Variants in JAM3 observed in about 807,000 individuals in gnomAD.
JAM3 encodes the protein junctional adhesion molecule 3, also known as junctional adhesion molecule C.
Under a neutral mutation model 39.4 loss-of-function variants are expected in JAM3, and 31 were observed. The ratio of observed to expected loss-of-function variants is 0.79; its 90% confidence interval spans 0.59 to 1.06. The LOEUF (loss-of-function observed/expected upper bound fraction) is 1.06, where lower values mean the gene tolerates loss of function less well. Among genes scored for constraint, JAM3 ranks in the 50% least tolerant of loss-of-function variants. The probability of loss-of-function intolerance (pLI) is 0.00; values close to 1 mark genes in which losing one functional copy is unlikely to be tolerated. For missense variants in JAM3, 455 were observed against 391.4 expected, an observed-to-expected ratio of 1.16 and a Z score of -1.37; for synonymous variants, 182 against 148.7, an observed-to-expected ratio of 1.22 and a Z score of -1.63.
At chr11:134,147,037 ATTC>A (rs1334756253) in intron 6 of JAM3, among the ~76,000 whole-genome samples, 1 of 152,156 alleles carries the variant, frequency 6.6e-6, no homozygotes, top group African/African-American at 2.4e-5. Context: ...GTTCCGAAGG[ATTC>A]TTCTCATGTG....
chr11:134,148,465 G>A, intron 6 of JAM3, 82 bp from the exon 7 acceptor site: 1 of 1,594,312 alleles, frequency 6.3e-7, no homozygotes, highest in Non-Finnish European at 8.6e-7. Context: ...TGGGGTGAAG[G>A]AAGGAGGCAC....
intron 1 of JAM3, among the ~76,000 whole-genome samples, chr11:134,074,079 T>C (rs936562932): frequency 6.6e-6 from 1 of 152,218 alleles, no homozygotes; most frequent in Non-Finnish European, 1.5e-5. Context: ...GCTTATGATA[T>C]CATTTAAGTG....
chr11:134,075,573 G>C (rs1941553400), intron 1 of JAM3, among the ~76,000 whole-genome samples: 1 of 152,094 alleles, frequency 6.6e-6, no homozygotes. Context: ...ACGGGCTCTG[G>C]AGCCTCACCT....
intron 1 of JAM3, among the ~76,000 whole-genome samples, chr11:134,090,075 T>C (rs948333499): frequency 3.3e-5 from 5 of 152,390 alleles, no homozygotes; most frequent in Admixed American, 6.5e-5. Flanking sequence ...ATGAGCATTT[T>C]TTCATGTGTC....
chr11:134,113,239 A>G (rs1010637515), intron 1 of JAM3, among the ~76,000 whole-genome samples: 5 of 151,826 alleles, frequency 3.3e-5, no homozygotes, highest in Admixed American at 1.3e-4. Flanking sequence ...CATGTGCACA[A>G]CGTGCAGGTT....
At chr11:134,082,542 T>C (rs1941684196) in intron 1 of JAM3, among the ~76,000 whole-genome samples, 1 of 152,148 alleles carries the variant, frequency 6.6e-6, no homozygotes, top group Admixed American at 6.5e-5. Context: ...TGAATCAGTT[T>C]TATGAGATCT....
chr11:134,114,205 C>G (rs1391190926), intron 1 of JAM3, among the ~76,000 whole-genome samples: 1 of 152,140 alleles, frequency 6.6e-6, no homozygotes, highest in Non-Finnish European at 1.5e-5. Context: ...TTAATTAGAT[C>G]CCATTTGTCA....
intron 1 of JAM3, among the ~76,000 whole-genome samples, chr11:134,091,516 A>AGATG (rs1555113290): frequency 7.3e-6 from 1 of 136,984 alleles, no homozygotes; most frequent in Admixed American, 7.3e-5. Context: ...ATAGATAGAT[A>AGATG]GATGGATAGA....
intron 1 of JAM3, among the ~76,000 whole-genome samples, chr11:134,085,595 G>A (rs1460317937): frequency 6.6e-6 from 1 of 151,998 alleles, no homozygotes; most frequent in Non-Finnish European, 1.5e-5. Context: ...CCTACTGGGG[G>A]CTCCACTATG....
At chr11:134,115,671 G>A (rs1591791637) in intron 1 of JAM3, among the ~76,000 whole-genome samples, 1 of 152,072 alleles carries the variant, frequency 6.6e-6, no homozygotes, top group African/African-American at 2.4e-5. Flanking sequence ...GGAGAATGAG[G>A]TGGGAAGATT....
chr11:134,110,313 T>C (rs1468006846), intron 1 of JAM3, among the ~76,000 whole-genome samples: 4 of 152,208 alleles, frequency 2.6e-5, no homozygotes, highest in East Asian at 1.9e-4. Context: ...CACATACTTA[T>C]GTAAGAGAAT....
chr11:134,134,955 C>G (rs1388228995), intron 1 of JAM3, among the ~76,000 whole-genome samples: 2 of 151,974 alleles, frequency 1.3e-5, no homozygotes, highest in African/African-American at 2.4e-5. Flanking sequence ...TGTATGTTGT[C>G]TTTTCACTTT....
chr11:134,107,767 G>A (rs989497193), intron 1 of JAM3, among the ~76,000 whole-genome samples: 3 of 152,030 alleles, frequency 2.0e-5, no homozygotes, highest in African/African-American at 7.2e-5. Flanking sequence ...GGACATCGGG[G>A]CAGGAGAATT....
intron 2 of JAM3, 38 bp from the exon 3 acceptor site, chr11:134,140,619 A>C: frequency 6.5e-7 from 1 of 1,539,312 alleles, no homozygotes; most frequent in Non-Finnish European, 9.0e-7. Flanking sequence ...GAAGCACTCC[A>C]CATTCACCGA....
chr11:134,086,525 C>A (rs1185158890), intron 1 of JAM3, among the ~76,000 whole-genome samples: 1 of 152,056 alleles, frequency 6.6e-6, no homozygotes, highest in Non-Finnish European at 1.5e-5. Flanking sequence ...AAAGATTAGA[C>A]CTCCTATGCC....
chr11:134,121,095 G>T (rs1942523126), intron 1 of JAM3, among the ~76,000 whole-genome samples: 1 of 152,168 alleles, frequency 6.6e-6, no homozygotes. Flanking sequence ...CACTCCAGAG[G>T]CTGGGGACAG....
intron 1 of JAM3, among the ~76,000 whole-genome samples, chr11:134,138,792 T>G (rs1344215861): frequency 6.6e-6 from 1 of 152,210 alleles, no homozygotes; most frequent in Non-Finnish European, 1.5e-5. Context: ...CCCTTTTTAT[T>G]GAATTATTGT....
At position 134,144,871 on chromosome 11, in the gene JAM3, TG is replaced by T; in HGVS notation, c.490del (p.Glu164ArgfsTer34). 1 of 1,613,700 alleles carries T rather than the reference TG, an allele frequency of 6.2e-7. No homozygotes were observed. Among genetic ancestry groups the T allele is most frequent in the Non-Finnish European group, 8.5e-7 (1 of 1,179,920 alleles). ...TGGCAACACTGCACTGCCAGGAGAGTGAGGGCCACCCCCGGCCTCACTACAG... is the reference window on the plus strand; with the variant it reads ...TGGCAACACTGCACTGCCAGGAGAGTAGGGCCACCCCCGGCCTCACTACAG... ...KMATLHCQES[E>X]GHPRPHYSWY... is the part of the protein sequence containing the mutation. On this transcript the variant is annotated frameshift_variant, in exon 5 of 9. Transcript: ENST00000299106. LOFTEE classifies it high-confidence loss of function.
At chr11:134,149,043 A>G (rs1244272903) in intron 8 of JAM3, 103 bp from the exon 9 acceptor site, 49 of 1,388,382 alleles carry the variant, frequency 3.5e-5, no homozygotes, top group Non-Finnish European at 4.8e-5. Flanking sequence ...CTTTTTAAGA[A>G]TGATTATTCC....
Sources: allele counts gnomAD v4.1 joint callset (sites outside exome capture counted in the v4.1 genomes callset), GRCh38; gene constraint gnomAD v4.1.1; transcripts MANE v1.5; gene names NCBI Gene and HGNC (gene_info 2026-07-23, HGNC 2026-07-21).